Variants in ZNF577 observed in about 807,000 individuals in gnomAD.
ZNF577 encodes the protein zinc finger protein 577.
In ZNF577, 14 loss-of-function variants were observed where a neutral mutation model predicts 13.9. The observed-to-expected ratio is 1.00, with a 90% confidence interval of 0.66 to 1.57. The LOEUF is 1.57. Among genes scored for constraint, ZNF577 ranks in the 40% most tolerant of loss-of-function variants. ZNF577 has a pLI of 0.00. For missense variants in ZNF577, 555 were observed against 579.2 expected, an observed-to-expected ratio of 0.96 and a Z score of 0.43; for synonymous variants, 203 against 202.9, an observed-to-expected ratio of 1.00 and a Z score of 0.00.
chr19:51,864,226 TC>T (rs1376685127), downstream of ZNF577, among the ~76,000 whole-genome samples: 1 of 152,212 alleles, frequency 6.6e-6, no homozygotes, highest in East Asian at 1.9e-4. Context: ...GATCTTTCCA[TC>T]CTCCAACTAA....
intron 8 of ZNF577, among the ~76,000 whole-genome samples, chr19:51,841,552 A>G (rs1156989436): frequency 6.6e-6 from 1 of 152,000 alleles, no homozygotes; most frequent in Non-Finnish European, 1.5e-5. Context: ...TGCTAGTTCT[A>G]CTGTTGAAAC....
Position 51,823,829 on chromosome 19 carries a change from C to A in ZNF577, c.*600-12155G>T, listed in dbSNP as rs559612922. The A allele has an allele frequency of 1.8e-4, 291 of 1,614,052 alleles. 1 individual carries two copies. The South Asian group carries it at 2.9e-3, about 16-fold the overall frequency. On this transcript the variant is annotated intron_variant and NMD_transcript_variant, in intron 9 of 10. Coordinates refer to the ZNF577 transcript ENST00000638827. The stretch of plus-strand genomic sequence containing the variant: ...CTGCTGGCCACACCGTTCTGTGGAT[C>A]TTCTCATTGCTAGTCCACGGAGTCA...
intron 9 of ZNF577, among the ~76,000 whole-genome samples, chr19:51,821,213 C>T (rs964911240): frequency 5.3e-5 from 8 of 152,142 alleles, no homozygotes; most frequent in African/African-American, 1.9e-4. Flanking sequence ...AAAACTGAGG[C>T]TCAAAGAGAT....
chr19:51,829,208 G>T (rs888069761), intron 9 of ZNF577, among the ~76,000 whole-genome samples: 1 of 152,144 alleles, frequency 6.6e-6, no homozygotes, highest in African/African-American at 2.4e-5. Context: ...AAGCAGGCTA[G>T]GGGACTGGGC....
chr19:51,832,658 G>A (rs549221745), intron 9 of ZNF577, among the ~76,000 whole-genome samples: 18 of 152,282 alleles, frequency 1.2e-4, no homozygotes, highest in African/African-American at 4.1e-4. Context: ...TCCTAAAAAT[G>A]TAGTAGTTCT....
At position 51,873,493 on chromosome 19, in the gene ZNF577, G is replaced by T; in HGVS notation, c.497C>A (p.Ala166Asp). 1 of 1,614,138 alleles carries T rather than the reference G, an allele frequency of 6.2e-7. No homozygotes were observed. The highest frequency in any genetic ancestry group is 8.5e-7 in the Non-Finnish European group (1 of 1,180,034). ...KPHECSVCGR[A>D]FSRKAQLIQH... ...AATAAGCTGTGCTTTCCTGGAGAAGGCTCTCCCGCACACACTGCATTCATG... is the reference window on the plus strand; with the variant it reads ...AATAAGCTGTGCTTTCCTGGAGAAGTCTCTCCCGCACACACTGCATTCATG... The change falls in exon 6 of 6, where the codon GCC becomes GAC. Residue 166 changes from alanine to aspartate, a missense_variant. Ala to Asp is a moderately radical substitution (Grantham distance 126). Coordinates refer to ENST00000638348, the MANE Select transcript of ZNF577 (RefSeq NM_001370449.1).
chr19:51,848,237 C>T (rs1355627731), intron 5 of ZNF577, among the ~76,000 whole-genome samples: 2 of 152,186 alleles, frequency 1.3e-5, no homozygotes, highest in Non-Finnish European at 2.9e-5. Context: ...AATCAGAACA[C>T]ACCGAAACAG....
intron 5 of ZNF577, among the ~76,000 whole-genome samples, chr19:51,857,435 AAAC>A (rs1196723939): frequency 3.3e-5 from 5 of 151,096 alleles, no homozygotes; most frequent in Admixed American, 1.3e-4. Context: ...AGAAAAGAAA[AAAC>A]AAAGAAAGGA....
At chr19:51,855,367 CTGTGTGTGTGTGTG>C (rs55937420) in intron 5 of ZNF577, among the ~76,000 whole-genome samples, 47 of 143,560 alleles carry the variant, frequency 3.3e-4, no homozygotes, top group South Asian at 1.9e-3. Context: ...GCTGAGGGTG[CTGTGTGTGTGTGTG>C]TGTGTGTGTG....
At chr19:51,812,996 G>A (rs2084107851) in intron 9 of ZNF577, among the ~76,000 whole-genome samples, 1 of 151,948 alleles carries the variant, frequency 6.6e-6, no homozygotes, top group African/African-American at 2.4e-5. Context: ...TGGTGAACCT[G>A]TAGTTCTAGC....
intron 10 of ZNF577, among the ~76,000 whole-genome samples, chr19:51,805,658 A>G (rs1041938299): frequency 6.6e-6 from 1 of 152,208 alleles, no homozygotes; most frequent in Admixed American, 6.5e-5. Context: ...TTTGTAACTC[A>G]GTGTTAATTT....
intron 8 of ZNF577, among the ~76,000 whole-genome samples, chr19:51,842,639 T>C (rs1245432296): frequency 6.6e-6 from 1 of 152,322 alleles, no homozygotes; most frequent in African/African-American, 2.4e-5. Context: ...AAGTGGACTA[T>C]GACAGATAGT....
rs1196716164 is a variant in ZNF577, at chr19:51,872,343, A to G, written c.*189T>C. The G allele has an allele frequency of 7.7e-6, 4 of 520,860 alleles. No homozygotes were observed. Among genetic ancestry groups the G allele is most frequent in the Non-Finnish European group, 1.3e-5 (4 of 298,040 alleles). 32.3% of individuals were successfully genotyped at this position (520,860 alleles called of 1,614,324 possible). A position where few individuals can be genotyped will look rare whatever the true frequency, so the allele number is the denominator to read the frequency against. ...CAATTGAGATATCATCTCCAGGTAA[A>G]GACTTCCTCATAACAGCTGCATTTC... On this transcript the variant is annotated 3_prime_UTR_variant, in exon 6 of 6. Transcript: ENST00000638348.
intron 9 of ZNF577, among the ~76,000 whole-genome samples, chr19:51,837,749 A>C (rs1011111309): frequency 1.3e-5 from 2 of 152,212 alleles, no homozygotes; most frequent in Non-Finnish European, 2.9e-5. Flanking sequence ...GCACAAAAAA[A>C]CTTTGGAGTC....
In ZNF577 at chr19:51,870,854, A is replaced by G. The variant is rs2084648689; in HGVS notation, c.*1678T>C. ...CTCCAGGCACTAAGCTGGGGCAATC[A>G]TAAGGCTCATCTCATTGTTTCCTTT... is the stretch of plus-strand genomic sequence containing the variant. On this transcript the variant is annotated 3_prime_UTR_variant, in exon 6 of 6. Coordinates refer to ENST00000638348, the MANE Select transcript of ZNF577 (RefSeq NM_001370449.1). Among the ~76,000 whole-genome samples the G allele has an allele frequency of 6.6e-6, 1 of 152,180 alleles. No individual in the cohort carries two copies. Among genetic ancestry groups the G allele is most frequent in the Non-Finnish European group, 1.5e-5 (1 of 68,036 alleles).
chr19:51,850,291 C>T (rs781399453), intron 5 of ZNF577, among the ~76,000 whole-genome samples: 2 of 152,158 alleles, frequency 1.3e-5, no homozygotes, highest in Non-Finnish European at 2.9e-5. Flanking sequence ...TTAGGCCATG[C>T]GGTATGAACT....
intron 9 of ZNF577, among the ~76,000 whole-genome samples, chr19:51,814,483 GT>G (rs1385079896): frequency 9.2e-6 from 1 of 108,442 alleles, no homozygotes; most frequent in African/African-American, 4.4e-5. Context: ...CAAGGTTTTT[GT>G]TTTTTGTTTG....
chr19:51,834,637 A>C (rs777277744), intron 9 of ZNF577, among the ~76,000 whole-genome samples: 12 of 152,184 alleles, frequency 7.9e-5, no homozygotes, highest in Non-Finnish European at 1.5e-4. Flanking sequence ...CTGAAGGATA[A>C]GAGGAGTACA....
At chr19:51,846,516 T>C (rs1436518175) in intron 5 of ZNF577, among the ~76,000 whole-genome samples, 2 of 152,114 alleles carry the variant, frequency 1.3e-5, no homozygotes, top group African/African-American at 4.8e-5. Context: ...GAGACCAGCC[T>C]GGCCAATATA....
Sources: allele counts gnomAD v4.1 joint callset (sites outside exome capture counted in the v4.1 genomes callset), GRCh38; gene constraint gnomAD v4.1.1; transcripts MANE v1.5; gene names NCBI Gene and HGNC (gene_info 2026-07-23, HGNC 2026-07-21).